ZNF521: variants seen among roughly 807,000 people sequenced by gnomAD.
The protein encoded by ZNF521 is zinc finger protein 521, also known as LYST-interacting protein 3.
ZNF521 carries 14 observed loss-of-function variants against 105.5 expected under a neutral mutation model. The observed-to-expected ratio is 0.13, with a 90% CI of 0.09 to 0.21. The LOEUF (loss-of-function observed/expected upper bound fraction) is 0.21, where lower values mean the gene tolerates loss of function less well. Ranked by LOEUF, ZNF521 falls within the 10% of genes least tolerant of loss-of-function variation. The probability of loss-of-function intolerance (pLI) is 1.00; values close to 1 mark genes in which losing one functional copy is unlikely to be tolerated. For missense variants in ZNF521, 1,233 were observed against 1,629.7 expected (o/e 0.76, Z 4.19); for synonymous variants, 635 against 606.0 (o/e 1.05, Z -0.70).
At chr18:25,296,427 T>C (rs1483970866) in intron 3 of ZNF521, among the ~76,000 whole-genome samples, 1 of 152,182 alleles carries the variant, frequency 6.6e-6, no homozygotes, top group Admixed American at 6.5e-5. Context: ...TGCCTAGACT[T>C]GCTATGGATT....
At chr18:25,070,470 A>G (rs530383406) in intron 7 of ZNF521, among the ~76,000 whole-genome samples, 1 of 152,296 alleles carries the variant, frequency 6.6e-6, no homozygotes, top group African/African-American at 2.4e-5. Flanking sequence ...AAGACCATCC[A>G]GTACACCATT....
intron 5 of ZNF521, among the ~76,000 whole-genome samples, chr18:25,104,993 G>A (rs778906390): frequency 7.2e-5 from 11 of 152,072 alleles, no homozygotes; most frequent in Non-Finnish European, 4.4e-5. Flanking sequence ...TTTGCCCTGG[G>A]CTATTTTAAA....
At chr18:25,101,677 GAA>G (rs1232104705) in intron 5 of ZNF521, among the ~76,000 whole-genome samples, 1 of 152,110 alleles carries the variant, frequency 6.6e-6, no homozygotes, top group African/African-American at 2.4e-5. Context: ...ATCAAGGACT[GAA>G]ACAAAAGATG....
At chr18:25,124,232 C>T (rs2034496967) in intron 5 of ZNF521, among the ~76,000 whole-genome samples, 1 of 152,090 alleles carries the variant, frequency 6.6e-6, no homozygotes, top group Non-Finnish European at 1.5e-5. Context: ...CTGTACCCAT[C>T]AACAAGTAGA....
rs777631554 is a variant in ZNF521, at chr18:25,225,746, G to A, written c.2172C>T (p.Cys724=). 1.4e-5 allele frequency: 23 copies of A among 1,614,106 alleles called. No homozygotes were observed. The highest frequency in any genetic ancestry group is 1.9e-5 in the Non-Finnish European group (23 of 1,180,036). Residue 724 remains cysteine, a synonymous_variant, in exon 4 of 8, where the codon TGC becomes TGT. Transcript: ENST00000361524. The surrounding 1 kb of genome is among the most constrained non-coding windows in gnomAD (Gnocchi z 5.6). The stretch of plus-strand genomic sequence containing the variant: ...AGTCAAAAACTTCCTGGCAGAGGGT[G>A]CAGCGAAAGAAGACAAAGGTGTGCA... The part of the protein sequence containing the change: ...LDMHTFVFFR[C]TLCQEVFDSK...
At chr18:25,301,154 G>A (rs1285105156) in intron 3 of ZNF521, among the ~76,000 whole-genome samples, 1 of 152,132 alleles carries the variant, frequency 6.6e-6, no homozygotes, top group African/African-American at 2.4e-5. Flanking sequence ...GGATACATTA[G>A]AGATGTATTT....
chr18:25,145,852 T>C (rs2034932227), intron 5 of ZNF521, among the ~76,000 whole-genome samples: 1 of 152,314 alleles, frequency 6.6e-6, no homozygotes, highest in African/African-American at 2.4e-5. Flanking sequence ...TATTCCCTTC[T>C]AGTGTTTAAT....
chr18:25,241,357 A>G (rs1907318530), intron 3 of ZNF521, among the ~76,000 whole-genome samples: 1 of 152,242 alleles, frequency 6.6e-6, no homozygotes, highest in African/African-American at 2.4e-5. Flanking sequence ...TGTAGGCAGG[A>G]GATATTATCA....
intron 5 of ZNF521, among the ~76,000 whole-genome samples, chr18:25,105,747 A>G (rs1043166704): frequency 3.3e-5 from 5 of 152,200 alleles, no homozygotes; most frequent in African/African-American, 1.2e-4. Context: ...ATTCCAGATT[A>G]GAGAAAAGAA....
At chr18:25,310,278 T>A (rs1254698039) in intron 3 of ZNF521, among the ~76,000 whole-genome samples, 1 of 152,186 alleles carries the variant, frequency 6.6e-6, no homozygotes, top group Non-Finnish European at 1.5e-5. Flanking sequence ...ACTATACACA[T>A]ACTAATATTA....
intron 3 of ZNF521, among the ~76,000 whole-genome samples, chr18:25,258,354 G>A (rs1424787310): frequency 1.3e-5 from 2 of 152,186 alleles, no homozygotes; most frequent in South Asian, 4.1e-4. Flanking sequence ...GAATCACAGT[G>A]ATAGGATTAG....
rs187593910 is a variant in ZNF521, at chr18:25,209,003, A to G, written c.3574-13759T>C. On this transcript the variant is annotated intron_variant, in intron 4 of 7. Transcript: ENST00000361524. ...AATCCTTAGATCTATCTTAAAATGA[A>G]TATGTTAACAGCAGACTTTGTCAAG... is the stretch of plus-strand genomic sequence containing the variant. Among the ~76,000 whole-genome samples, 511 of 152,342 alleles carry G rather than the reference A, an allele frequency of 3.4e-3. 2 individuals carry two copies. The highest frequency in any genetic ancestry group is 2.6e-3 in the Non-Finnish European group (180 of 68,038).
chr18:25,259,678 C>T (rs1908775956), intron 3 of ZNF521, among the ~76,000 whole-genome samples: 1 of 152,100 alleles, frequency 6.6e-6, no homozygotes, highest in African/African-American at 2.4e-5. Context: ...TGAGTGCCTA[C>T]CATGTGCCAG....
intron 2 of ZNF521, among the ~76,000 whole-genome samples, chr18:25,332,991 G>C (rs1009392567): frequency 1.3e-4 from 20 of 152,008 alleles, no homozygotes; most frequent in African/African-American, 4.8e-4. Flanking sequence ...ATCTCGACTT[G>C]TCAGGATAAT....
chr18:25,206,120 C>T (rs1253323478), intron 4 of ZNF521, among the ~76,000 whole-genome samples: 2 of 152,146 alleles, frequency 1.3e-5, no homozygotes, highest in African/African-American at 4.8e-5. Context: ...TCTCCTGCCT[C>T]AGCCTCCCGA....
rs543699197 is a variant in ZNF521 at position 25,251,166 on chromosome 18, A to C, written c.221-23469T>G. 9.6e-4 allele frequency among the ~76,000 whole-genome samples: 147 copies of C among 152,336 alleles called. 1 individual carries two copies. In the South Asian group the frequency reaches 0.029, roughly 30 times the overall value. On this transcript the variant is annotated intron_variant, in intron 3 of 7. Coordinates refer to ENST00000361524, the MANE Select transcript of ZNF521 (RefSeq NM_015461.3). ...AGAAAATGCCGATTTGCTATATACT[A>C]TCAGGATATCAGGAATAACAATGCT...
At chr18:25,333,405 C>G (rs1271514157) in intron 2 of ZNF521, among the ~76,000 whole-genome samples, 2 of 151,728 alleles carry the variant, frequency 1.3e-5, no homozygotes, top group Non-Finnish European at 2.9e-5. Context: ...AGGGCCAGGG[C>G]TCATCTTACT....
chr18:25,183,119 T>C (rs768933226), intron 5 of ZNF521, among the ~76,000 whole-genome samples: 5 of 152,178 alleles, frequency 3.3e-5, no homozygotes, highest in Non-Finnish European at 5.9e-5. Context: ...TGTCTAATAC[T>C]CATTATTTGC....
At chr18:25,134,619 A>G (rs2034699733) in intron 5 of ZNF521, among the ~76,000 whole-genome samples, 1 of 152,054 alleles carries the variant, frequency 6.6e-6, no homozygotes, top group Non-Finnish European at 1.5e-5. Flanking sequence ...ATGTGTTCCA[A>G]CTCCAAAACA....
Sources: gnomAD v4.1 joint callset for allele counts (sites outside exome capture counted in the v4.1 genomes callset) on GRCh38, gnomAD v4.1.1 for gene constraint, Gnocchi (gnomAD v3.1) non-coding constraint, MANE v1.5 for transcripts, NCBI Gene and HGNC (gene_info 2026-07-23, HGNC 2026-07-21) for gene names.